Variants in PTPRN2 observed in about 807,000 individuals in gnomAD.
PTPRN2 encodes the protein receptor-type tyrosine-protein phosphatase N2.
Under a neutral mutation model 118.8 loss-of-function variants are expected in PTPRN2, and 74 were observed. The observed-to-expected ratio is 0.62, with a 90% CI of 0.52 to 0.76. PTPRN2 has a LOEUF of 0.76. Ranked by LOEUF, PTPRN2 falls within the 30% of genes least tolerant of loss-of-function variation. The pLI, the probability that PTPRN2 is intolerant of heterozygous loss-of-function variation, is 0.00. For missense variants in PTPRN2, 1,481 were observed against 1,394.4 expected (o/e 1.06, Z -0.99); for synonymous variants, 641 against 608.0 (o/e 1.05, Z -0.80).
intron 1 of PTPRN2, among the ~76,000 whole-genome samples, chr7:158,558,757 TA>T (rs769102456): frequency 0.027 from 1,630 of 59,802 alleles, 28 homozygotes; most frequent in African/African-American, 0.087. Flanking sequence ...AGTGCTAGAC[TA>T]AAAAAAAAAA....
chr7:157,971,293 C>T (rs914273053), intron 11 of PTPRN2, among the ~76,000 whole-genome samples: 8 of 152,092 alleles, frequency 5.3e-5, no homozygotes, highest in African/African-American at 1.9e-4. Flanking sequence ...TTATCCATCA[C>T]GAATCCGTAT....
chr7:157,960,144 A>C (rs1274181247), intron 11 of PTPRN2, among the ~76,000 whole-genome samples: 2 of 143,160 alleles, frequency 1.4e-5, no homozygotes, highest in Non-Finnish European at 3.0e-5. Context: ...CCATAAAGAC[A>C]GAAAGTGGAA....
rs943621241 is a variant in PTPRN2, at chr7:157,779,349, G to A, written c.1789-96412C>T. ...TGAGGTGAAAGGTCACGTGCTGGTCGCTTGTGCTGAGCAAGGCCTTGCTTC... is the reference window on the plus strand; with the variant it reads ...TGAGGTGAAAGGTCACGTGCTGGTCACTTGTGCTGAGCAAGGCCTTGCTTC... On this transcript the variant is annotated intron_variant, in intron 12 of 22. Transcript: ENST00000389418. The surrounding 1 kb of genome is among the most constrained non-coding windows in gnomAD (Gnocchi z 4.7). 8.5e-5 allele frequency among the ~76,000 whole-genome samples: 13 copies of A among 152,164 alleles called. No individual in the cohort carries two copies. Among genetic ancestry groups the A allele is most frequent in the Non-Finnish European group, 1.6e-4 (11 of 68,030 alleles).
At chr7:158,081,241 C>CGTGTGTGTGTGCACACACGT in intron 11 of PTPRN2, 57 bp downstream of exon 11, 1 of 1,483,250 alleles carries the variant, frequency 6.7e-7, no homozygotes, top group Middle Eastern at 1.9e-4. Context: ...TGTTTGCGTG[C>CGTGTGTGTGTGCACACACGT]GTGTGTGTGT....
chr7:158,073,469 C>A (rs890266250), intron 11 of PTPRN2, among the ~76,000 whole-genome samples: 1 of 152,218 alleles, frequency 6.6e-6, no homozygotes, highest in South Asian at 2.1e-4. Flanking sequence ...TTGCTTTCCT[C>A]CTTCAGGTCT....
intron 2 of PTPRN2, among the ~76,000 whole-genome samples, chr7:158,405,700 G>C (rs1563252125): frequency 6.6e-6 from 1 of 152,366 alleles, no homozygotes; most frequent in Non-Finnish European, 1.5e-5. Flanking sequence ...ACTTATCTGT[G>C]TGTGGAGCCT....
intron 12 of PTPRN2, among the ~76,000 whole-genome samples, chr7:157,697,502 T>C (rs1290187691): frequency 3.5e-4 from 30 of 84,836 alleles, no homozygotes; most frequent in East Asian, 1.3e-3. Context: ...TGGATCTTAG[T>C]AGAGCCCTCA....
intron 1 of PTPRN2, among the ~76,000 whole-genome samples, chr7:158,530,407 T>A (rs1166320409): frequency 2.6e-5 from 4 of 152,194 alleles, no homozygotes; most frequent in Non-Finnish European, 5.9e-5. Context: ...CAGGAGCTCC[T>A]GGGAATGCTG....
At chr7:158,266,431 C>G (rs1797885647) in intron 3 of PTPRN2, among the ~76,000 whole-genome samples, 2 of 148,466 alleles carry the variant, frequency 1.3e-5, no homozygotes, top group Non-Finnish European at 3.0e-5. Context: ...GGCAGTGAGG[C>G]TGGGGATGGT....
intron 6 of PTPRN2, among the ~76,000 whole-genome samples, chr7:158,165,034 G>A (rs1463413993): frequency 1.3e-5 from 2 of 151,494 alleles, no homozygotes; most frequent in Admixed American, 6.6e-5. Flanking sequence ...GACCCCCGAT[G>A]GTGTCTAGTA....
intron 3 of PTPRN2, among the ~76,000 whole-genome samples, chr7:158,304,584 C>G (rs529470992): frequency 6.6e-6 from 1 of 152,014 alleles, no homozygotes; most frequent in Admixed American, 6.5e-5. Flanking sequence ...CCCATCAATA[C>G]CCTAAGATGT....
At position 158,343,254 on chromosome 7, in the gene PTPRN2, T is replaced by C. The variant is rs145707221; in HGVS notation, c.164-26322A>G. On this transcript the variant is annotated intron_variant, in intron 2 of 22. Transcript: ENST00000389418. ...AAACGGGTAAAGGACCTGAGTAGAC[T>C]TTTCTCCAGAGAAGATGTACAAACA... Among the ~76,000 whole-genome samples, 1,255 of 152,174 alleles carry C rather than the reference T, an allele frequency of 8.2e-3. 20 individuals carry two copies. Among genetic ancestry groups the C allele is most frequent in the African/African-American group, 0.029 (1,186 of 41,516 alleles).
At chr7:158,405,791 T>A (rs1248524905) in intron 2 of PTPRN2, among the ~76,000 whole-genome samples, 9 of 152,032 alleles carry the variant, frequency 5.9e-5, no homozygotes, top group Non-Finnish European at 5.9e-5. Context: ...TATCCATGCA[T>A]GTGGCCGCAC....
At chr7:157,675,062 C>T (rs957988043) in intron 13 of PTPRN2, among the ~76,000 whole-genome samples, 5 of 148,310 alleles carry the variant, frequency 3.4e-5, no homozygotes, top group Non-Finnish European at 6.1e-5. Context: ...TCCTGGTACC[C>T]GCCTGCTGGA....
intron 2 of PTPRN2, among the ~76,000 whole-genome samples, chr7:158,332,308 C>T (rs557245559): frequency 2.3e-5 from 1 of 43,552 alleles, no homozygotes; most frequent in African/African-American, 6.0e-5. Flanking sequence ...GTCACTCACA[C>T]CCACACTCTC....
At chr7:158,364,624 G>A (rs569953117) in intron 2 of PTPRN2, among the ~76,000 whole-genome samples, 7 of 152,302 alleles carry the variant, frequency 4.6e-5, no homozygotes, top group South Asian at 4.1e-4. Context: ...ACGCTGACAC[G>A]CTGAGAGTGA....
At chr7:158,300,137 TG>T (rs1246192593) in intron 3 of PTPRN2, among the ~76,000 whole-genome samples, 1 of 152,110 alleles carries the variant, frequency 6.6e-6, no homozygotes, top group Non-Finnish European at 1.5e-5. Context: ...GCCTCTGAAA[TG>T]ATGATATGGG....
intron 2 of PTPRN2, among the ~76,000 whole-genome samples, chr7:158,381,788 A>G (rs889523786): frequency 6.6e-5 from 10 of 152,212 alleles, no homozygotes; most frequent in Admixed American, 6.5e-4. Flanking sequence ...ACAGTTCCAC[A>G]TGGCTGGGGA....
At chr7:157,876,410 G>T (rs1325031646) in intron 12 of PTPRN2, among the ~76,000 whole-genome samples, 1 of 152,214 alleles carries the variant, frequency 6.6e-6, no homozygotes, top group Non-Finnish European at 1.5e-5. Context: ...GACAGGATGG[G>T]TGGCTGTGTC....
Sources: gnomAD v4.1 joint callset for allele counts (sites outside exome capture counted in the v4.1 genomes callset) on GRCh38, gnomAD v4.1.1 for gene constraint, Gnocchi (gnomAD v3.1) non-coding constraint, MANE v1.5 for transcripts, NCBI Gene and HGNC (gene_info 2026-07-23, HGNC 2026-07-21) for gene names.